The following FBXL4 variants were observed in gnomAD, a reference collection of about 807,000 sequenced individuals.
FBXL4 encodes F-box and leucine rich repeat protein 4.
Under a neutral mutation model 58.9 loss-of-function variants are expected in FBXL4, and 40 were observed. That is an observed-to-expected ratio of 0.68 (90% CI 0.53 to 0.88). The LOEUF (loss-of-function observed/expected upper bound fraction) is 0.88. Among genes scored for constraint, FBXL4 ranks in the 40% least tolerant of loss-of-function variants. FBXL4 has a pLI of 0.00. For synonymous variants in FBXL4, 263 were observed against 265.5 expected, an observed-to-expected ratio of 0.99 and a Z score of 0.09; for missense variants, 676 against 734.4, an observed-to-expected ratio of 0.92 and a Z score of 0.92.
intron 4 of FBXL4, among the ~76,000 whole-genome samples, chr6:98,923,522 G>A (rs1169889270): frequency 6.6e-6 from 1 of 152,102 alleles, no homozygotes; most frequent in Non-Finnish European, 1.5e-5. Context: ...GTTCAAATGT[G>A]CTGTTGTCTC....
chr6:98,875,122 G>T, intron 9 of FBXL4: 1 of 298,134 alleles, frequency 3.4e-6, no homozygotes, highest in Non-Finnish European at 6.3e-6. Flanking sequence ...AAAATAGAGA[G>T]CGCAGCTCAT....
intron 2 of FBXL4, among the ~76,000 whole-genome samples, chr6:98,931,989 A>G (rs1342498289): frequency 6.6e-6 from 1 of 152,242 alleles, no homozygotes; most frequent in East Asian, 1.9e-4. Context: ...AAAAGATACA[A>G]TAACTCTATT....
chr6:98,928,680 T>C (rs1456873341), intron 2 of FBXL4, among the ~76,000 whole-genome samples: 1 of 152,184 alleles, frequency 6.6e-6, no homozygotes, highest in Admixed American at 6.5e-5. Flanking sequence ...ACTTCAGCAC[T>C]AAGATTATAA....
intron 7 of FBXL4, among the ~76,000 whole-genome samples, chr6:98,895,592 G>T (rs1453576887): frequency 1.3e-5 from 2 of 152,132 alleles, no homozygotes; most frequent in Non-Finnish European, 2.9e-5. Flanking sequence ...TATTGCTTGT[G>T]CCAGCAGGCA....
At position 98,917,464 on chromosome 6, in the gene FBXL4, A is replaced by G. The variant is rs1772404366; in HGVS notation, c.768T>C (p.Gly256=). ...IEDDAYAEKD[G]CGMDSLNKKF... ...TTTTGTTAAGACTGTCCATTCCACA[A>G]CCATCCTTTTCTGCATAGGCATCAT... The change falls in exon 5 of 10, where the codon GGT becomes GGC. Residue 256 remains glycine, a synonymous_variant. Transcript: ENST00000369244. 6.2e-7 allele frequency: 1 copy of G among 1,613,892 alleles called. No individual in the cohort carries two copies. The highest frequency in any genetic ancestry group is 1.3e-5 in the African/African-American group (1 of 74,886).
At chr6:98,874,518 C>T (rs1770585670) in intron 9 of FBXL4, 77 bp from the exon 10 acceptor site, 1 of 1,399,570 alleles carries the variant, frequency 7.1e-7, no homozygotes, top group Non-Finnish European at 9.6e-7. Flanking sequence ...ACAATGAATC[C>T]ATCCATGATT....
Position 98,888,158 on chromosome 6 carries a change from T to TGG in FBXL4, c.1318-7536_1318-7535dup, listed in dbSNP as rs751736663. ...TGTAGAGACCACCAACTCAATAGTT[T>TGG]GGAGCAGGAGTTGGCAAACTACTGT... On this transcript the variant is annotated intron_variant, in intron 7 of 9. Coordinates refer to ENST00000369244, the MANE Select transcript of FBXL4 (RefSeq NM_001278716.2). Among the ~76,000 whole-genome samples, 24 of 152,348 alleles carry TGG rather than the reference T, an allele frequency of 1.6e-4. 1 individual carries two copies. The East Asian group carries it at 4.2e-3, about 27-fold the overall frequency.
intron 4 of FBXL4, among the ~76,000 whole-genome samples, chr6:98,924,899 T>A (rs1398347212): frequency 2.6e-5 from 4 of 152,188 alleles, no homozygotes; most frequent in Non-Finnish European, 5.9e-5. Flanking sequence ...GGTGCCCTGA[T>A]CTGCTCTCAG....
chr6:98,911,503 C>T (rs985472002), intron 5 of FBXL4, among the ~76,000 whole-genome samples: 3 of 152,190 alleles, frequency 2.0e-5, no homozygotes, highest in Non-Finnish European at 2.9e-5. Flanking sequence ...AATGATCAGA[C>T]AGCAGCATTC....
In FBXL4 at chr6:98,870,609, C is replaced by G. The variant is rs952269450; in HGVS notation, c.*3669G>C. 6.6e-6 allele frequency: 1 copy of G among 152,130 alleles called. No individual in the cohort carries two copies. The highest frequency in any genetic ancestry group is 2.4e-5 in the African/African-American group (1 of 41,438). The allele number at this position is 152,130 out of a possible 1,614,324, so 9.4% of individuals were successfully genotyped here. On this transcript the variant is annotated 3_prime_UTR_variant, in exon 10 of 10. Coordinates refer to ENST00000369244, the MANE Select transcript of FBXL4 (RefSeq NM_001278716.2). ...GAGTGCCACATATGTTGTCATACCA[C>G]AATATTTTTAAATTTTTTATTACTA...
chr6:98,874,213 CA>C lies in FBXL4; in HGVS notation c.*64del. ...CATTAAAACAACTAAAAACAAAACC[CA>C]AAACCAATCCCAAAATTAAACCCCA... On this transcript the variant is annotated 3_prime_UTR_variant, in exon 10 of 10. Coordinates refer to ENST00000369244, the MANE Select transcript of FBXL4 (RefSeq NM_001278716.2). 1 of 1,356,706 alleles carries C rather than the reference CA, an allele frequency of 7.4e-7. No homozygotes were observed. The highest frequency in any genetic ancestry group is 9.8e-7 in the Non-Finnish European group (1 of 1,022,736). 84.0% of individuals were successfully genotyped at this position (1,356,706 alleles called of 1,614,324 possible).
chr6:98,899,449 C>T lies in FBXL4; in HGVS notation c.1136G>A (p.Arg379His), dbSNP rs756984960. Residue 379 changes from arginine to histidine, a missense_variant, in exon 7 of 10, where the codon CGC (arginine) becomes CAC (histidine). Physicochemically the swap from Arg to His is conservative, Grantham distance 29 (BLOSUM62 0). Coordinates refer to ENST00000369244, the MANE Select transcript of FBXL4 (RefSeq NM_001278716.2). ...FLKVCGSELV[R>H]LELSCSHFLN... ...AAAGTGGCTGCAAGACAATTCAAGG[C>T]GTACTAATTCGGATCCACAAACCTT... 31 of 1,613,542 alleles carry T rather than the reference C, an allele frequency of 1.9e-5. No homozygotes were observed. The highest frequency in any genetic ancestry group is 2.7e-5 in the African/African-American group (2 of 74,882).
At chr6:98,896,832 G>A (rs1771427423) in intron 7 of FBXL4, 7 of 983,806 alleles carry the variant, frequency 7.1e-6, no homozygotes, top group Non-Finnish European at 8.4e-6. Flanking sequence ...CTAGACCTAG[G>A]TACATATGTA....
At chr6:98,882,054 GA>G (rs1427277605) in intron 7 of FBXL4, among the ~76,000 whole-genome samples, 1 of 151,770 alleles carries the variant, frequency 6.6e-6, no homozygotes, top group Non-Finnish European at 1.5e-5. Context: ...TTGTTGGTAA[GA>G]AATTTTAAAT....
chr6:98,892,074 T>C (rs1158714652), intron 7 of FBXL4, among the ~76,000 whole-genome samples: 2 of 152,204 alleles, frequency 1.3e-5, no homozygotes, highest in Non-Finnish European at 2.9e-5. Flanking sequence ...CCAATCAGGA[T>C]ACAGAAATAT....
intron 1 of FBXL4, among the ~76,000 whole-genome samples, chr6:98,939,472 A>G (rs1258297023): frequency 2.0e-5 from 3 of 152,230 alleles, no homozygotes; most frequent in African/African-American, 4.8e-5. Flanking sequence ...CTGCACCCAC[A>G]TAAGAACTGC....
At chr6:98,938,058 T>TC (rs764281601) in intron 1 of FBXL4, among the ~76,000 whole-genome samples, 1 of 141,594 alleles carries the variant, frequency 7.1e-6, no homozygotes, top group Admixed American at 7.1e-5. Flanking sequence ...TTTTTTTTTT[T>TC]TGCCCTATCT....
In FBXL4 at chr6:98,926,828, T is replaced by A; in HGVS notation, c.161A>T (p.Tyr54Phe). Residue 54 changes from tyrosine to phenylalanine, a missense_variant, in exon 4 of 10, where the codon TAT becomes TTT. Physicochemically the swap from Tyr to Phe is conservative, Grantham distance 22. Coordinates refer to ENST00000369244, the MANE Select transcript of FBXL4 (RefSeq NM_001278716.2). Reference sequence around the variant, plus strand: ...ACTGAAATCCACTACTTCTTTGGCATACTGGACTACCTCTGCATTGAGAGG... The same window carrying A: ...ACTGAAATCCACTACTTCTTTGGCAAACTGGACTACCTCTGCATTGAGAGG... ...TSPLNAEVVQ[Y>F]AKEVVDFSSH... 1 of 1,614,208 alleles carries A rather than the reference T, an allele frequency of 6.2e-7. No homozygotes were observed. Among genetic ancestry groups the A allele is most frequent in the Non-Finnish European group, 8.5e-7 (1 of 1,180,040 alleles).
At chr6:98,905,236 G>C (rs897725913) in intron 6 of FBXL4, among the ~76,000 whole-genome samples, 190 bp downstream of exon 6, 1 of 152,172 alleles carries the variant, frequency 6.6e-6, no homozygotes, top group African/African-American at 2.4e-5. Context: ...AAATTTAGCT[G>C]AAGAGGATAG....
Sources: gnomAD v4.1 joint callset for allele counts (sites outside exome capture counted in the v4.1 genomes callset) on GRCh38, gnomAD v4.1.1 for gene constraint, MANE v1.5 for transcripts, NCBI Gene and HGNC (gene_info 2026-07-23, HGNC 2026-07-21) for gene names.